SH3BGRL: variants seen among roughly 807,000 people sequenced by gnomAD.
SH3BGRL encodes adapter SH3BGRL.
Under a neutral mutation model 9.8 loss-of-function variants are expected in SH3BGRL, and 7 were observed. That is an observed-to-expected ratio of 0.72 (90% CI 0.41 to 1.35). The LOEUF (loss-of-function observed/expected upper bound fraction) is 1.35. Ranked by LOEUF, SH3BGRL falls within the 40% of genes most tolerant of loss-of-function variation. The pLI, the probability that SH3BGRL is intolerant of heterozygous loss-of-function variation, is 0.01. For missense variants in SH3BGRL, 73 were observed against 84.4 expected, an observed-to-expected ratio of 0.86 and a Z score of 0.53; for synonymous variants, 36 against 29.1, an observed-to-expected ratio of 1.24 and a Z score of -0.76.
At chrX:81,211,875 C>CAT (rs749686710) in intron 1 of SH3BGRL, among the ~76,000 whole-genome samples, 262 of 110,228 alleles carry the variant, frequency 2.4e-3, no homozygotes, top group African/African-American at 6.3e-3. Context: ...TAATAAACTC[C>CAT]ATATATATAT....
At chrX:81,261,873 A>G (rs1478278488) in intron 1 of SH3BGRL, among the ~76,000 whole-genome samples, 1 of 111,598 alleles carries the variant, frequency 9.0e-6, no homozygotes, top group Non-Finnish European at 1.9e-5. Context: ...CTGGCATCAA[A>G]AAAGTGACTA....
At chrX:81,275,943 C>T (rs991845524) in intron 1 of SH3BGRL, among the ~76,000 whole-genome samples, 1 of 111,461 alleles carries the variant, frequency 9.0e-6, no homozygotes, top group African/African-American at 3.3e-5. Flanking sequence ...CAGAGAGGGA[C>T]TTGATTGTGA....
intron 2 of SH3BGRL, among the ~76,000 whole-genome samples, chrX:81,277,803 A>G (rs190733578): frequency 8.9e-6 from 1 of 111,866 alleles, no homozygotes; most frequent in East Asian, 2.8e-4. Flanking sequence ...AGTTTTTGTG[A>G]CATAGAATAG....
chrX:81,202,428 T>TC (rs2075531491), intron 1 of SH3BGRL, 183 bp downstream of exon 1: 2 of 1,019,494 alleles, frequency 2.0e-6, no homozygotes, highest in South Asian at 3.0e-5. Flanking sequence ...TTTTTTTTTT[T>TC]CCACATAGAG....
At chrX:81,294,089 A>C (rs2075866690) in intron 3 of SH3BGRL, among the ~76,000 whole-genome samples, 1 of 111,877 alleles carries the variant, frequency 8.9e-6, no homozygotes, top group African/African-American at 3.2e-5. Context: ...GCAGAGCATA[A>C]AAGTTTGGAA....
chrX:81,296,983 C>A (rs920528168), intron 3 of SH3BGRL, among the ~76,000 whole-genome samples: 6 of 111,441 alleles, frequency 5.4e-5, no homozygotes, highest in Non-Finnish European at 1.1e-4. Context: ...TATTCCAAAT[C>A]ATTAGGAATG....
At chrX:81,238,546 T>G (rs2147685160) in intron 1 of SH3BGRL, among the ~76,000 whole-genome samples, 1 of 111,913 alleles carries the variant, frequency 8.9e-6, no homozygotes, top group South Asian at 3.8e-4. Flanking sequence ...CACCTTTGAA[T>G]CCACCTGGGA....
chrX:81,281,334 A>G (rs1489215417), intron 3 of SH3BGRL, among the ~76,000 whole-genome samples: 2 of 111,657 alleles, frequency 1.8e-5, no homozygotes, highest in Admixed American at 9.5e-5. Context: ...CACCTGGGAA[A>G]TCCATTCCAA....
intron 1 of SH3BGRL, among the ~76,000 whole-genome samples, chrX:81,270,237 A>G (rs1032484778): frequency 9.0e-6 from 1 of 110,715 alleles, no homozygotes; most frequent in African/African-American, 3.3e-5. Flanking sequence ...CGTCAAACTC[A>G]TTTTCCATCC....
At chrX:81,242,309 T>A (rs763941926) in intron 1 of SH3BGRL, among the ~76,000 whole-genome samples, 1 of 111,809 alleles carries the variant, frequency 8.9e-6, no homozygotes, top group East Asian at 2.8e-4. Context: ...GAACATACAC[T>A]GGGGAAAAGA....
chrX:81,210,781 T>C (rs937979181), intron 1 of SH3BGRL, among the ~76,000 whole-genome samples: 4 of 111,946 alleles, frequency 3.6e-5, no homozygotes, highest in African/African-American at 1.3e-4. Flanking sequence ...TCTGATGAAC[T>C]TGAAAAACCA....
intron 1 of SH3BGRL, among the ~76,000 whole-genome samples, chrX:81,248,217 T>C (rs1226143913): frequency 9.0e-6 from 1 of 111,454 alleles, no homozygotes; most frequent in Non-Finnish European, 1.9e-5. Context: ...TTAATCTAGA[T>C]AGTGTATGTC....
intron 3 of SH3BGRL, among the ~76,000 whole-genome samples, chrX:81,286,441 T>A (rs1266197955): frequency 1.1e-5 from 1 of 89,682 alleles, no homozygotes; most frequent in Non-Finnish European, 2.1e-5. Context: ...TTACTACATC[T>A]CCAAGAGAGA....
chrX:81,265,118 G>A (rs967784001), intron 1 of SH3BGRL, among the ~76,000 whole-genome samples: 1 of 105,691 alleles, frequency 9.5e-6, no homozygotes, highest in Non-Finnish European at 1.9e-5. Context: ...TTGAAATTAT[G>A]TAAGCCTTAA....
At chrX:81,231,779 A>G (rs2075633574) in intron 1 of SH3BGRL, among the ~76,000 whole-genome samples, 1 of 112,405 alleles carries the variant, frequency 8.9e-6, no homozygotes, top group African/African-American at 3.2e-5. Flanking sequence ...ATTAGCAAAC[A>G]CTAGTTGTAA....
chrX:81,224,653 A>G (rs1452535968), intron 1 of SH3BGRL, among the ~76,000 whole-genome samples: 1 of 111,607 alleles, frequency 9.0e-6, no homozygotes, highest in Non-Finnish European at 1.9e-5. Context: ...TCAGGTCACA[A>G]TTACCCTGTG....
At chrX:81,286,627 G>A (rs766952265) in intron 3 of SH3BGRL, among the ~76,000 whole-genome samples, 7 of 109,768 alleles carry the variant, frequency 6.4e-5, no homozygotes, top group African/African-American at 2.3e-4. Context: ...CATCCCTTTA[G>A]GATAGATATA....
chrX:81,223,642 T>C (rs902681454), intron 1 of SH3BGRL, among the ~76,000 whole-genome samples: 1 of 111,252 alleles, frequency 9.0e-6, no homozygotes, highest in Non-Finnish European at 1.9e-5. Flanking sequence ...ATAAGGGGAA[T>C]ATTCCTATAT....
intron 1 of SH3BGRL, among the ~76,000 whole-genome samples, chrX:81,266,701 T>C (rs2075758269): frequency 8.9e-6 from 1 of 112,069 alleles, no homozygotes; most frequent in Non-Finnish European, 1.9e-5. Context: ...TGTTTTTTGG[T>C]TTCATATGAA....
Sources: allele counts gnomAD v4.1 joint callset (sites outside exome capture counted in the v4.1 genomes callset), GRCh38; gene constraint gnomAD v4.1.1; transcripts MANE v1.5; gene names NCBI Gene and HGNC (gene_info 2026-07-23, HGNC 2026-07-21).